The following CLIP1 variants were observed in gnomAD, a reference collection of about 807,000 sequenced individuals.
CLIP1 encodes the protein CAP-Gly domain-containing linker protein 1.
In CLIP1, 66 loss-of-function variants were observed where a neutral mutation model predicts 161.6. The ratio of observed to expected loss-of-function variants is 0.41; its 90% CI spans 0.33 to 0.50. CLIP1 has a LOEUF of 0.50. Among genes scored for constraint, CLIP1 ranks in the 20% least tolerant of loss-of-function variants. The pLI is 0.27. For synonymous variants in CLIP1, 598 were observed against 626.2 expected (o/e 0.96, Z 0.67); for missense variants, 1,376 against 1,702.0 (o/e 0.81, Z 3.37).
intron 20 of CLIP1, among the ~76,000 whole-genome samples, chr12:122,296,562 G>A (rs1160854781): frequency 6.6e-6 from 1 of 151,956 alleles, no homozygotes. Flanking sequence ...ACACATATTT[G>A]TATTGTTTCA....
intron 20 of CLIP1, among the ~76,000 whole-genome samples, chr12:122,290,715 T>C (rs1956065135): frequency 6.6e-6 from 1 of 152,178 alleles, no homozygotes; most frequent in Non-Finnish European, 1.5e-5. Flanking sequence ...AGAGGGTCCA[T>C]GTGCCTGAAT....
At chr12:122,419,989 G>A (rs1286925449) in intron 1 of CLIP1, among the ~76,000 whole-genome samples, 1 of 148,338 alleles carries the variant, frequency 6.7e-6, no homozygotes, top group Non-Finnish European at 1.5e-5. Context: ...TCCCTTATGA[G>A]TCACATGGGA....
Position 122,333,066 on chromosome 12 carries a change from T to G in CLIP1, c.2788A>C (p.Ile930Leu), listed in dbSNP as rs140057127. Residue 930 changes from isoleucine to leucine, a missense_variant, in exon 15 of 26, where the codon ATT (isoleucine) becomes CTT (leucine). By Grantham distance (5) the Ile-to-Leu change is conservative. Coordinates refer to ENST00000620786, the MANE Select transcript of CLIP1 (RefSeq NM_001247997.2). ...IKAKEKLENDIAEIMKMSGDN... is the reference protein window; with the variant it reads ...IKAKEKLENDLAEIMKMSGDN... ...CCTGACATCTTCATTATTTCTGCAA[T>G]GTCATTTTCCAGTTTTTCCTTTGCC... 1.8e-4 allele frequency: 296 copies of G among 1,613,906 alleles called. No individual in the cohort carries two copies. The highest frequency in any genetic ancestry group is 2.5e-4 in the Non-Finnish European group (290 of 1,179,832).
chr12:122,331,806 C>T (rs1951983075), intron 15 of CLIP1, among the ~76,000 whole-genome samples: 1 of 151,258 alleles, frequency 6.6e-6, no homozygotes, highest in African/African-American at 2.4e-5. Context: ...ACCACCCTGG[C>T]CAACATGGTG....
At chr12:122,320,068 A>G (rs1186643581) in intron 17 of CLIP1, among the ~76,000 whole-genome samples, 1 of 149,944 alleles carries the variant, frequency 6.7e-6, no homozygotes, top group Non-Finnish European at 1.5e-5. Context: ...AGGTCAAGAT[A>G]TTGAGACCAT....
Position 122,297,249 on chromosome 12 carries a change from T to C in CLIP1, c.3595-8708A>G, listed in dbSNP as rs114330642. On this transcript the variant is annotated intron_variant, in intron 20 of 25. Transcript: ENST00000620786. ...TGTCTGTCAGCTACGCTAAGAAAAA[T>C]AGTAGCTCGGGTGAAATGAAGGACA... Among the ~76,000 whole-genome samples the C allele has an allele frequency of 4.2e-3, 641 of 152,154 alleles. 1 individual carries two copies. The highest frequency in any genetic ancestry group is 0.015 in the African/African-American group (608 of 41,514).
intron 11 of CLIP1, among the ~76,000 whole-genome samples, chr12:122,339,431 G>A (rs900358784): frequency 4.6e-5 from 7 of 151,982 alleles, no homozygotes; most frequent in Admixed American, 3.9e-4. Context: ...TCCACCTCCC[G>A]GGTTCAAGCA....
At chr12:122,345,660 G>C (rs919701397) in intron 10 of CLIP1, among the ~76,000 whole-genome samples, 1 of 152,132 alleles carries the variant, frequency 6.6e-6, no homozygotes. Flanking sequence ...TAGCAAATTT[G>C]ATTAGAGACA....
intron 10 of CLIP1, among the ~76,000 whole-genome samples, chr12:122,344,874 C>T (rs1952669764): frequency 6.6e-6 from 1 of 152,132 alleles, no homozygotes; most frequent in Non-Finnish European, 1.5e-5. Context: ...GTTATCTTAA[C>T]ACTTGGGAAC....
chr12:122,355,162 C>A lies in CLIP1; in HGVS notation c.1156G>T (p.Gly386Trp). 1.2e-6 allele frequency: 2 copies of A among 1,614,216 alleles called. No individual in the cohort carries two copies. The highest frequency in any genetic ancestry group is 1.7e-6 in the Non-Finnish European group (2 of 1,180,018). ...AGAGCTAGCTCCTGCTCTATCTCCC[C>A]CACGTGGCTCGTGGCCTTGGCCACC... ...AEVAKATSHVGEIEQELALAR... is the reference protein window; with the variant it reads ...AEVAKATSHVWEIEQELALAR... The change falls in exon 6 of 26, where the codon GGG (glycine) becomes TGG (tryptophan). Residue 386 changes from glycine (G) to tryptophan (W), a missense_variant. By Grantham distance (184) the Gly-to-Trp change is radical. Around this residue, in one of 6 missense-constraint regions of CLIP1, gnomAD observed 211 missense variants for 295.1 expected, o/e 0.72. Transcript: ENST00000620786. The surrounding 1 kb of genome is among the most constrained non-coding windows in gnomAD (Gnocchi z 4.1).
chr12:122,390,308 A>G (rs11616059), intron 1 of CLIP1, among the ~76,000 whole-genome samples: 78,251 of 127,144 alleles, frequency 0.62, 24,765 homozygotes, highest in Non-Finnish European at 0.64. Flanking sequence ...ATATATGTAT[A>G]TATATATATA....
intron 1 of CLIP1, among the ~76,000 whole-genome samples, chr12:122,389,198 G>GC (rs1396504213): frequency 6.6e-6 from 1 of 152,146 alleles, no homozygotes; most frequent in Non-Finnish European, 1.5e-5. Flanking sequence ...CCCTGCAATA[G>GC]CCCCTTGCAC....
chr12:122,300,578 T>C (rs1950642451), intron 20 of CLIP1, among the ~76,000 whole-genome samples: 1 of 152,190 alleles, frequency 6.6e-6, no homozygotes, highest in African/African-American at 2.4e-5. Context: ...AATTCTTTTT[T>C]TGTTTTGAGA....
chr12:122,360,074 G>GAAGAAGAGGA (rs1953699642), intron 5 of CLIP1, among the ~76,000 whole-genome samples: 1 of 152,126 alleles, frequency 6.6e-6, no homozygotes, highest in Non-Finnish European at 1.5e-5. Context: ...GGGACCAGGA[G>GAAGAAGAGGA]AAGAAGAGGA....
chr12:122,383,074 G>A (rs1387526888), intron 1 of CLIP1, among the ~76,000 whole-genome samples: 5 of 152,148 alleles, frequency 3.3e-5, no homozygotes, highest in African/African-American at 4.8e-5. Flanking sequence ...CAACGACCAT[G>A]TCTACGTCCA....
intron 15 of CLIP1, 40 bp from the exon 16 acceptor site, chr12:122,328,466 A>T (rs1276168858): frequency 3.1e-6 from 4 of 1,297,430 alleles, no homozygotes; most frequent in Middle Eastern, 2.1e-4. Flanking sequence ...ATTTTTCATA[A>T]GAATGTTTTA....
chr12:122,402,398 G>A (rs567016858), intron 1 of CLIP1, among the ~76,000 whole-genome samples: 3 of 152,022 alleles, frequency 2.0e-5, no homozygotes, highest in East Asian at 1.9e-4. Flanking sequence ...GAGATGGGAC[G>A]ACTGCTTGAG....
chr12:122,395,219 C>G (rs1425763012), intron 1 of CLIP1, among the ~76,000 whole-genome samples: 1 of 152,218 alleles, frequency 6.6e-6, no homozygotes, highest in African/African-American at 2.4e-5. Context: ...TTCTATTCAA[C>G]TGTGGAGTTT....
rs572503978 is a variant in CLIP1 at position 122,354,041 on chromosome 12, G to A, written c.1307+412C>T. ...CTGCTGGACACATAGTCATTCCTTT[G>A]GTTCTAAGGGTTGATACCAACATGA... On this transcript the variant is annotated intron_variant, in intron 7 of 25. Coordinates refer to ENST00000620786, the MANE Select transcript of CLIP1 (RefSeq NM_001247997.2). Among the ~76,000 whole-genome samples, 5 of 152,178 alleles carry A rather than the reference G, an allele frequency of 3.3e-5. 1 individual carries two copies. The highest frequency in any genetic ancestry group is 1.2e-4 in the African/African-American group (5 of 41,520).
Sources: allele counts gnomAD v4.1 joint callset (sites outside exome capture counted in the v4.1 genomes callset), GRCh38; gene constraint gnomAD v4.1.1; regional missense constraint gnomAD v4.1.1; non-coding constraint Gnocchi (gnomAD v3.1); transcripts MANE v1.5; gene names NCBI Gene and HGNC (gene_info 2026-07-23, HGNC 2026-07-21).